POU6F2: variants seen among roughly 807,000 people sequenced by gnomAD.
POU6F2 encodes POU class 6 homeobox 2.
POU6F2 carries 31 observed loss-of-function variants against 71.3 expected under a neutral mutation model. The observed-to-expected ratio is 0.43, with a 90% confidence interval of 0.33 to 0.59. The LOEUF (loss-of-function observed/expected upper bound fraction) is 0.59. Ranked by LOEUF, POU6F2 falls within the 20% of genes least tolerant of loss-of-function variation. The pLI, the probability that POU6F2 is intolerant of heterozygous loss-of-function variation, is 0.04. For missense variants in POU6F2, 783 were observed against 856.8 expected (o/e 0.91, Z 1.07); for synonymous variants, 347 against 355.7 (o/e 0.98, Z 0.27).
chr7:39,320,451 C>T (rs997324879), intron 4 of POU6F2, among the ~76,000 whole-genome samples: 1 of 152,136 alleles, frequency 6.6e-6, no homozygotes, highest in Non-Finnish European at 1.5e-5. Flanking sequence ...ATAAACACAT[C>T]TCTCGGTAAA....
intron 4 of POU6F2, among the ~76,000 whole-genome samples, chr7:39,321,554 G>A (rs191676452): frequency 2.4e-4 from 36 of 152,284 alleles, no homozygotes; most frequent in Admixed American, 1.4e-3. Flanking sequence ...TGTACTCTCT[G>A]GAGATGTGGG....
intron 4 of POU6F2, among the ~76,000 whole-genome samples, chr7:39,298,921 C>T (rs1784902069): frequency 6.6e-6 from 1 of 152,156 alleles, no homozygotes; most frequent in African/African-American, 2.4e-5. Flanking sequence ...AAACCAAACA[C>T]CACATGTTCT....
At chr7:39,423,115 A>T (rs1787889892) in intron 6 of POU6F2, among the ~76,000 whole-genome samples, 1 of 152,212 alleles carries the variant, frequency 6.6e-6, no homozygotes, top group Non-Finnish European at 1.5e-5. Flanking sequence ...CTGAGCATGT[A>T]ATTGGTCTTC....
At chr7:38,984,852 G>A (rs1465596587) in intron 1 of POU6F2, 1 of 151,994 alleles carries the variant, frequency 6.6e-6, no homozygotes, top group Admixed American at 6.6e-5. Context: ...TAGAGAAACA[G>A]GTATATTTTT....
chr7:39,047,289 A>C (rs529111383), intron 1 of POU6F2, among the ~76,000 whole-genome samples: 69 of 151,886 alleles, frequency 4.5e-4, no homozygotes, highest in Non-Finnish European at 1.3e-4. Context: ...GAATCTGTAT[A>C]AATAAAATTG....
chr7:39,207,665 C>A, intron 4 of POU6F2, 45 bp downstream of exon 4: 1 of 1,553,494 alleles, frequency 6.4e-7, no homozygotes, highest in Non-Finnish European at 8.8e-7. Context: ...TACCCGTTGG[C>A]CAGTATTCTC....
chr7:39,313,836 A>G (rs1316147635), intron 4 of POU6F2, among the ~76,000 whole-genome samples: 2 of 152,234 alleles, frequency 1.3e-5, no homozygotes, highest in Non-Finnish European at 2.9e-5. Flanking sequence ...CAAGAAAATT[A>G]TCTTAGCGTC....
intron 4 of POU6F2, among the ~76,000 whole-genome samples, chr7:39,212,212 G>A (rs1386485610): frequency 1.3e-5 from 2 of 152,180 alleles, no homozygotes; most frequent in East Asian, 1.9e-4. Flanking sequence ...ATGGACAAGC[G>A]AGCTTAAGAA....
At chr7:39,222,663 C>T (rs573698510) in intron 4 of POU6F2, among the ~76,000 whole-genome samples, 15 of 152,138 alleles carry the variant, frequency 9.9e-5, no homozygotes, top group Non-Finnish European at 1.9e-4. Flanking sequence ...ATATAGTATT[C>T]GTCCTTTTGT....
intron 2 of POU6F2, among the ~76,000 whole-genome samples, chr7:39,147,711 A>G (rs139289573): frequency 6.6e-6 from 1 of 152,310 alleles, no homozygotes; most frequent in East Asian, 1.9e-4. Context: ...TTGGAGGAAC[A>G]TGGGATGCTC....
chr7:39,305,204 T>C (rs1785027413), intron 4 of POU6F2, among the ~76,000 whole-genome samples: 1 of 152,254 alleles, frequency 6.6e-6, no homozygotes. Flanking sequence ...ACAGGCACTT[T>C]ACTTAAGAAG....
At chr7:39,361,986 A>G (rs1250398003) in intron 5 of POU6F2, among the ~76,000 whole-genome samples, 1 of 152,206 alleles carries the variant, frequency 6.6e-6, no homozygotes, top group Non-Finnish European at 1.5e-5. Flanking sequence ...GCACCCAGCC[A>G]CATAGGACAG....
chr7:39,332,441 C>G (rs531983638), intron 4 of POU6F2, among the ~76,000 whole-genome samples: 1 of 152,266 alleles, frequency 6.6e-6, no homozygotes, highest in South Asian at 2.1e-4. Flanking sequence ...TGCTGAAGTA[C>G]CTATTCAACT....
chr7:39,221,639 G>A lies in POU6F2; in HGVS notation c.598+14019G>A, dbSNP rs1473885467. ...CTAACCTCAGTGATCCACTCACCTC[G>A]GCCTTCCAAAGTGCTGGGATTACAA... On this transcript the variant is annotated intron_variant, in intron 4 of 9. Transcript: ENST00000518318. Among the ~76,000 whole-genome samples, 9 of 151,988 alleles carry A rather than the reference G, an allele frequency of 5.9e-5. No individual in the cohort carries two copies. In the Middle Eastern group the frequency reaches 0.01, roughly 174 times the overall value.
chr7:39,010,768 C>A (rs1360025662), intron 1 of POU6F2, among the ~76,000 whole-genome samples: 75 of 144,124 alleles, frequency 5.2e-4, no homozygotes, highest in Non-Finnish European at 1.0e-3. Flanking sequence ...TTTCTGCCTT[C>A]ATTTCGTTAT....
chr7:38,997,446 G>A (rs1266461668), intron 1 of POU6F2, among the ~76,000 whole-genome samples: 7 of 152,170 alleles, frequency 4.6e-5, no homozygotes, highest in Admixed American at 4.6e-4. Context: ...AATAGCTCCT[G>A]CAGCAATCTT....
intron 4 of POU6F2, among the ~76,000 whole-genome samples, chr7:39,330,222 A>G (rs557664981): frequency 6.6e-6 from 1 of 152,188 alleles, no homozygotes; most frequent in Non-Finnish European, 1.5e-5. Context: ...GCTATGGAGT[A>G]TGAGGGTTTA....
At chr7:39,429,999 C>T (rs932581811) in intron 6 of POU6F2, among the ~76,000 whole-genome samples, 1 of 152,282 alleles carries the variant, frequency 6.6e-6, no homozygotes, top group South Asian at 2.1e-4. Flanking sequence ...ATTCTTGCGA[C>T]CTCTGTGAAG....
chr7:39,150,036 C>T (rs1026998064), intron 2 of POU6F2, among the ~76,000 whole-genome samples: 6 of 152,122 alleles, frequency 3.9e-5, no homozygotes, highest in Admixed American at 3.9e-4. Flanking sequence ...CAGGGGCCCG[C>T]AACCACGCCC....
Sources: gnomAD v4.1 joint callset for allele counts (sites outside exome capture counted in the v4.1 genomes callset) on GRCh38, gnomAD v4.1.1 for gene constraint, MANE v1.5 for transcripts, NCBI Gene and HGNC (gene_info 2026-07-23, HGNC 2026-07-21) for gene names.